The following ZGRF1 variants were observed in gnomAD, a reference collection of about 807,000 sequenced individuals.
ZGRF1 encodes zinc finger GRF-type containing 1.
Under a neutral mutation model 203.5 loss-of-function variants are expected in ZGRF1, and 196 were observed. The observed-to-expected ratio is 0.96, with a 90% CI of 0.86 to 1.08. The LOEUF (loss-of-function observed/expected upper bound fraction) is 1.08. Among genes scored for constraint, ZGRF1 ranks in the 50% least tolerant of loss-of-function variants. The pLI, the probability that ZGRF1 is intolerant of heterozygous loss-of-function variation, is 0.00. For missense variants in ZGRF1, 2,326 were observed against 2,416.3 expected (o/e 0.96, Z 0.78); for synonymous variants, 809 against 841.3 (o/e 0.96, Z 0.66).
chr4:112,585,434 A>G (rs1746997119), intron 14 of ZGRF1, 107 bp downstream of exon 14: 2 of 762,270 alleles, frequency 2.6e-6, no homozygotes, highest in South Asian at 3.3e-5. Context: ...TCAAATAGAA[A>G]GCTCTTAATC....
At chr4:112,543,749 G>A (rs1738178269) in intron 24 of ZGRF1, among the ~76,000 whole-genome samples, 1 of 152,196 alleles carries the variant, frequency 6.6e-6, no homozygotes, top group Non-Finnish European at 1.5e-5. Context: ...GACAGGAGGA[G>A]AAGTCTTCAC....
chr4:112,562,523 A>G (rs1395854272), intron 17 of ZGRF1, 38 bp from the exon 18 acceptor site: 1 of 1,247,362 alleles, frequency 8.0e-7, no homozygotes, highest in Non-Finnish European at 1.2e-6. Context: ...TTTGATGTAA[A>G]TAAAATGGAC....
chr4:112,581,599 A>C, intron 16 of ZGRF1, 64 bp downstream of exon 16: 3 of 1,099,178 alleles, frequency 2.7e-6, no homozygotes, highest in Non-Finnish European at 3.7e-6. Context: ...AACAATTTAT[A>C]CAGCTGTATG....
rs932972323 is a variant in ZGRF1, at chr4:112,587,839, C to T, written c.3218G>A (p.Arg1073His). ...RTQVPLITLPRTDGPPDLDSH... is the reference protein window; with the variant it reads ...RTQVPLITLPHTDGPPDLDSH... Reference sequence around the variant, plus strand: ...GTCTAAGTCAGGTGGCCCATCAGTACGTGGCAAAGTAATAAGTGGAACCTG... The same window carrying T: ...GTCTAAGTCAGGTGGCCCATCAGTATGTGGCAAAGTAATAAGTGGAACCTG... The change falls in exon 12 of 28, where the codon CGT becomes CAT. Residue 1073 changes from arginine to histidine, a missense_variant. Coordinates refer to ENST00000505019, the MANE Select transcript of ZGRF1 (RefSeq NM_018392.5). 18 of 1,551,272 alleles carry T rather than the reference C, an allele frequency of 1.2e-5. No homozygotes were observed. The African/African-American group carries it at 1.5e-4, about 13-fold the overall frequency.
At chr4:112,585,782 T>C in intron 13 of ZGRF1, 57 bp from the exon 14 acceptor site, 2 of 1,327,530 alleles carry the variant, frequency 1.5e-6, no homozygotes, top group Non-Finnish European at 2.0e-6. Flanking sequence ...TTTGTTTGTA[T>C]CACATATGTG....
Position 112,541,134 on chromosome 4 carries a change from C to G in ZGRF1, c.5733G>C (p.Trp1911Cys), listed in dbSNP as rs1274098782. The G allele has an allele frequency of 1.9e-6, 3 of 1,606,818 alleles. No individual in the cohort carries two copies. The South Asian group carries it at 3.3e-5, about 18-fold the overall frequency. Residue 1911 changes from tryptophan (W) to cysteine (C), a missense_variant, in exon 25 of 28, where the codon TGG (tryptophan) becomes TGC (cysteine). Transcript: ENST00000505019. ...CATTATAAAAACACAGGGTTGGTAGCCATTCCAATAAAGGGCTCCGCTCTA... is the reference window on the plus strand; with the variant it reads ...CATTATAAAAACACAGGGTTGGTAGGCATTCCAATAAAGGGCTCCGCTCTA... ...TEIERSPLLE[W>C]LPTLCFYNVK...
intron 24 of ZGRF1, 126 bp from the exon 25 acceptor site, chr4:112,541,394 AG>A (rs1183103567): frequency 2.5e-6 from 1 of 405,048 alleles, no homozygotes; most frequent in Non-Finnish European, 4.4e-6. Flanking sequence ...CAACCATGAT[AG>A]AATAGACTAT....
chr4:112,554,771 A>G lies in ZGRF1; in HGVS notation c.5132T>C (p.Leu1711Pro), dbSNP rs1317882286. ...VDRVLLGLLS[L>P]GFENFIRVGS... ...AACTCTGATAAAGTTTTCAAATCCA[A>G]GACTGAGAAGCCTTTAAATAAGAAA... Residue 1711 changes from leucine to proline, a missense_variant, in exon 21 of 28, where the codon CTT becomes CCT. Coordinates refer to ENST00000505019, the MANE Select transcript of ZGRF1 (RefSeq NM_018392.5). The G allele has an allele frequency of 1.4e-5, 21 of 1,525,188 alleles. No homozygotes were observed. The highest frequency in any genetic ancestry group is 1.8e-5 in the Non-Finnish European group (20 of 1,123,810). The allele number at this position is 1,525,188 out of a possible 1,614,324, so 94.5% of individuals were successfully genotyped here.
chr4:112,628,203 C>T (rs916220751), intron 3 of ZGRF1, among the ~76,000 whole-genome samples: 18 of 152,174 alleles, frequency 1.2e-4, no homozygotes, highest in African/African-American at 3.6e-4. Context: ...AACAAACTAC[C>T]ATTCATTGCG....
chr4:112,606,551 C>T lies in ZGRF1; in HGVS notation c.2719-460G>A, dbSNP rs113512150. The stretch of plus-strand genomic sequence containing the variant: ...TGGCACATGCCTGTAATCCCAGCTA[C>T]TCAGGAGGCTGAGGCAGAATTGCTT... On this transcript the variant is annotated intron_variant, in intron 8 of 27. Transcript: ENST00000505019. Among the ~76,000 whole-genome samples, 67 of 151,948 alleles carry T rather than the reference C, an allele frequency of 4.4e-4. 1 individual carries two copies. The Middle Eastern group carries it at 0.01, about 23-fold the overall frequency.
rs151004913 is a variant in ZGRF1 at position 112,612,571 on chromosome 4, T to C, written c.2620A>G (p.Thr874Ala). 2.5e-6 allele frequency: 4 copies of C among 1,602,800 alleles called. No individual in the cohort carries two copies. The African/African-American group carries it at 5.4e-5, about 21-fold the overall frequency. The change falls in exon 7 of 28, where the codon ACA becomes GCA. Residue 874 changes from threonine (T) to alanine (A), a missense_variant. Physicochemically the swap from Thr to Ala is moderately conservative, Grantham distance 58 (BLOSUM62 0). Coordinates refer to ENST00000505019, the MANE Select transcript of ZGRF1 (RefSeq NM_018392.5). ...SPPEVRKPFI[T>A]VVSPKSPHLH... ...TGAGGAGACTTTGGTGAAACTACTGTAATAAATGGTTTCCTCACTGTAATG... is the reference window on the plus strand; with the variant it reads ...TGAGGAGACTTTGGTGAAACTACTGCAATAAATGGTTTCCTCACTGTAATG...
chr4:112,628,497 A>T, intron 3 of ZGRF1: 1 of 440,514 alleles, frequency 2.3e-6, no homozygotes, highest in South Asian at 1.6e-5. Context: ...ATTCAGTGGA[A>T]GATGAATAAC....
chr4:112,544,318 A>G (rs931326288), intron 24 of ZGRF1, among the ~76,000 whole-genome samples: 2 of 152,220 alleles, frequency 1.3e-5, no homozygotes, highest in African/African-American at 2.4e-5. Flanking sequence ...AAATTCAGCA[A>G]TTATGCAACA....
At chr4:112,593,012 T>C (rs1452006871) in intron 10 of ZGRF1, among the ~76,000 whole-genome samples, 4 of 152,316 alleles carry the variant, frequency 2.6e-5, no homozygotes, top group Non-Finnish European at 5.9e-5. Flanking sequence ...AGAAGGCAGC[T>C]ATCTGTAAGC....
intron 1 of ZGRF1, 56 bp from the exon 2 acceptor site, chr4:112,633,298 T>G: frequency 2.5e-6 from 2 of 809,674 alleles, no homozygotes. Flanking sequence ...ATATCAAATA[T>G]AATTTTTCTC....
chr4:112,565,683 G>A lies in ZGRF1; in HGVS notation c.4439-2409C>T, dbSNP rs199983071. Among the ~76,000 whole-genome samples, 19 of 152,218 alleles carry A rather than the reference G, an allele frequency of 1.2e-4. No individual in the cohort carries two copies. In the East Asian group the frequency reaches 2.3e-3, roughly 19 times the overall value. ...CAAACAACCCCATCAAAAAGTGGGC[G>A]AAGGACATGAACAGATGCTTCTCAA... On this transcript the variant is annotated intron_variant, in intron 16 of 27. Coordinates refer to ENST00000505019, the MANE Select transcript of ZGRF1 (RefSeq NM_018392.5).
chr4:112,558,003 T>C (rs1741264559), intron 20 of ZGRF1, 147 bp downstream of exon 20: 4 of 679,520 alleles, frequency 5.9e-6, no homozygotes, highest in East Asian at 2.9e-5. Context: ...TACTGTTTCA[T>C]AGATGCTGGC....
chr4:112,562,161 G>A (rs1578728401), intron 18 of ZGRF1: 1 of 402,712 alleles, frequency 2.5e-6, no homozygotes, highest in East Asian at 5.1e-5. Flanking sequence ...TGCCCACCTC[G>A]GCCTCCCAAA....
rs567834906 is a variant in ZGRF1 at position 112,568,422 on chromosome 4, G to C, written c.4439-5148C>G. Reference sequence around the variant, plus strand: ...ATAACACATAAAGAAATAAGACTCAGAGTGCCGGCCAGGTGTGGTGGCTCA... The same window carrying C: ...ATAACACATAAAGAAATAAGACTCACAGTGCCGGCCAGGTGTGGTGGCTCA... On this transcript the variant is annotated intron_variant, in intron 16 of 27. Transcript: ENST00000505019. Among the ~76,000 whole-genome samples, 3 of 152,202 alleles carry C rather than the reference G, an allele frequency of 2.0e-5. No individual in the cohort carries two copies. In the East Asian group the frequency reaches 5.8e-4, roughly 29 times the overall value.
Sources: gnomAD v4.1 joint callset for allele counts (sites outside exome capture counted in the v4.1 genomes callset) on GRCh38, gnomAD v4.1.1 for gene constraint, MANE v1.5 for transcripts, NCBI Gene and HGNC (gene_info 2026-07-23, HGNC 2026-07-21) for gene names.